The following PDE1C variants were observed in gnomAD, a reference collection of about 807,000 sequenced individuals.
The protein encoded by PDE1C is phosphodiesterase 1C.
A neutral mutation model predicts 93.1 loss-of-function variants in PDE1C; 62 were observed. That is an observed-to-expected ratio of 0.67 (90% CI 0.54 to 0.82). The LOEUF is 0.82. Among genes scored for constraint, PDE1C ranks in the 40% least tolerant of loss-of-function variants. The pLI, the probability that PDE1C is intolerant of heterozygous loss-of-function variation, is 0.00. For missense variants in PDE1C, 742 were observed against 884.6 expected, an observed-to-expected ratio of 0.84 and a Z score of 2.04; for synonymous variants, 325 against 310.1, an observed-to-expected ratio of 1.05 and a Z score of -0.50.
chr7:31,792,991 T>G (rs1161334939), intron 16 of PDE1C, among the ~76,000 whole-genome samples: 1 of 152,074 alleles, frequency 6.6e-6, no homozygotes, highest in Non-Finnish European at 1.5e-5. Flanking sequence ...GGTAAAGCTG[T>G]GAGAACTTTA....
chr7:31,652,246 A>T, the PDE1C span, among the ~76,000 whole-genome samples: 1 of 152,222 alleles, frequency 6.6e-6, no homozygotes, highest in Non-Finnish European at 1.5e-5. Context: ...ATCAGAATTC[A>T]GTTCACCTGT....
At chr7:32,375,926 C>A (rs2128088921) in intron 1 of PDE1C, among the ~76,000 whole-genome samples, 1 of 152,308 alleles carries the variant, frequency 6.6e-6, no homozygotes, top group East Asian at 1.9e-4. Context: ...GAGGCCGAGG[C>A]AGGCAGATCC....
chr7:31,691,763 T>C, the PDE1C span, among the ~76,000 whole-genome samples: 1 of 147,916 alleles, frequency 6.8e-6, no homozygotes, highest in East Asian at 2.0e-4. Context: ...AGGTAGTCTC[T>C]TTACTTTATA....
At position 32,235,494 on chromosome 7, in the gene PDE1C, A is replaced by C. The variant is rs149936884; in HGVS notation, c.86-25955T>G. ...TAAGATTAACACACACACAAAAATA[A>C]TTTTTCTATATACTAACAGTGGACA... On this transcript the variant is annotated intron_variant, in intron 1 of 18. Transcript: ENST00000396193. Among the ~76,000 whole-genome samples the C allele has an allele frequency of 3.7e-4, 57 of 152,114 alleles. 1 individual carries two copies. Among genetic ancestry groups the C allele is most frequent in the African/African-American group, 1.2e-3 (51 of 41,548 alleles).
At chr7:31,957,998 G>A (rs905743388) in intron 2 of PDE1C, among the ~76,000 whole-genome samples, 4 of 152,182 alleles carry the variant, frequency 2.6e-5, no homozygotes, top group Admixed American at 1.3e-4. Flanking sequence ...TGAGCAGTTG[G>A]TTTTCCACTC....
chr7:32,354,260 T>C (rs1256941011), intron 1 of PDE1C, among the ~76,000 whole-genome samples: 1 of 152,190 alleles, frequency 6.6e-6, no homozygotes, highest in Non-Finnish European at 1.5e-5. Flanking sequence ...AAACCTCTTT[T>C]TCCCTTCATC....
intron 2 of PDE1C, among the ~76,000 whole-genome samples, chr7:31,922,791 AT>A (rs1802792169): frequency 6.6e-6 from 1 of 152,234 alleles, no homozygotes; most frequent in Non-Finnish European, 1.5e-5. Flanking sequence ...AAAGAAAAAA[AT>A]GTCAATTTTC....
intron 2 of PDE1C, among the ~76,000 whole-genome samples, chr7:32,202,391 A>T (rs528185501): frequency 6.6e-6 from 1 of 152,342 alleles, no homozygotes; most frequent in African/African-American, 2.4e-5. Context: ...GGACACAGTG[A>T]ATATTCCTCC....
chr7:32,012,210 G>T (rs1209448492), intron 2 of PDE1C, among the ~76,000 whole-genome samples: 1 of 152,198 alleles, frequency 6.6e-6, no homozygotes, highest in Non-Finnish European at 1.5e-5. Flanking sequence ...ACCAACACTG[G>T]CTTGGCCTCT....
intron 2 of PDE1C, among the ~76,000 whole-genome samples, chr7:32,020,834 A>C (rs528548175): frequency 6.6e-6 from 1 of 152,242 alleles, no homozygotes; most frequent in East Asian, 1.9e-4. Context: ...TTTCATTGTG[A>C]TTGCCAGGAA....
In PDE1C at chr7:32,172,170, G is replaced by A. The variant is rs200020874; in HGVS notation, c.137-2214C>T. Reference sequence around the variant, plus strand: ...TTACCATTACCATTAACCAATTGCCGTTGGCTTGTTCTGGTTATGTCTACC... The same window carrying A: ...TTACCATTACCATTAACCAATTGCCATTGGCTTGTTCTGGTTATGTCTACC... On this transcript the variant is annotated intron_variant, in intron 2 of 18. Coordinates refer to the PDE1C transcript ENST00000396193. Among the ~76,000 whole-genome samples the A allele has an allele frequency of 4.7e-4, 72 of 151,840 alleles. No individual in the cohort carries two copies. The East Asian group carries it at 8.7e-3, about 18-fold the overall frequency.
At position 32,066,284 on chromosome 7, in the gene PDE1C, G is replaced by A. The variant is rs1795395333; in HGVS notation, c.101+4009C>T. On this transcript the variant is annotated intron_variant, in intron 1 of 17. Coordinates refer to ENST00000396191, the MANE Select transcript of PDE1C (RefSeq NM_001191057.4). Reference sequence around the variant, plus strand: ...TCTGTTAGCATAGTAAGGTGGATGGGAAGCTTGCTGCATAGACAAAAACAA... The same window carrying A: ...TCTGTTAGCATAGTAAGGTGGATGGAAAGCTTGCTGCATAGACAAAAACAA... 2.0e-5 allele frequency among the ~76,000 whole-genome samples: 3 copies of A among 152,260 alleles called. No homozygotes were observed. The East Asian group carries it at 5.8e-4, about 29-fold the overall frequency.
At chr7:31,828,875 C>G (rs1472311446) in intron 11 of PDE1C, among the ~76,000 whole-genome samples, 1 of 152,118 alleles carries the variant, frequency 6.6e-6, no homozygotes, top group Non-Finnish European at 1.5e-5. Flanking sequence ...TTTTTAACCT[C>G]AGAGACCAGT....
At chr7:31,641,326 A>G in the PDE1C span, among the ~76,000 whole-genome samples, 5 of 152,056 alleles carry the variant, frequency 3.3e-5, no homozygotes, top group African/African-American at 4.8e-5. Flanking sequence ...TTCACTTCCC[A>G]CACACATACC....
At chr7:32,412,599 C>T (rs11978690) in intron 1 of PDE1C, among the ~76,000 whole-genome samples, 4,526 of 152,266 alleles carry the variant, frequency 0.03, 229 homozygotes, top group African/African-American at 0.1. Context: ...ACTAGCATCA[C>T]CACAAACACG....
chr7:32,164,419 C>T (rs1006317359), intron 3 of PDE1C, among the ~76,000 whole-genome samples: 1 of 152,132 alleles, frequency 6.6e-6, no homozygotes, highest in African/African-American at 2.4e-5. Flanking sequence ...CCAATCACAC[C>T]ATATCTTTTT....
intron 2 of PDE1C, among the ~76,000 whole-genome samples, chr7:31,918,055 G>T (rs540598330): frequency 6.6e-6 from 1 of 152,238 alleles, no homozygotes; most frequent in South Asian, 2.1e-4. Context: ...AGAGGTCGGG[G>T]TGATTAGGTC....
rs1799294297 is a variant in PDE1C, at chr7:31,896,049, C to CAGCAGGG, written c.129-15190_129-15189insCCCTGCT. Reference sequence around the variant, plus strand: ...CACACAAACACACACACAAACTGCCCCATCACCCAGCAGGGTGAGCTCATG... The same window carrying CAGCAGGG: ...CACACAAACACACACACAAACTGCCCAGCAGGGCATCACCCAGCAGGGTGAGCTCATG... On this transcript the variant is annotated intron_variant, in intron 2 of 17. Transcript: ENST00000396191. Among the ~76,000 whole-genome samples, 23 of 128,812 alleles carry CAGCAGGG rather than the reference C, an allele frequency of 1.8e-4. No individual in the cohort carries two copies. In the Admixed American group the frequency reaches 1.8e-3, roughly 10 times the overall value. 84.5% of individuals were successfully genotyped at this position (128,812 alleles called of 152,430 possible). A position where few individuals can be genotyped will look rare whatever the true frequency, so the allele number is the denominator to read the frequency against.
the PDE1C span, among the ~76,000 whole-genome samples, chr7:31,644,858 G>A: frequency 1.3e-5 from 2 of 152,184 alleles, no homozygotes; most frequent in Admixed American, 6.6e-5. Flanking sequence ...TTCAGAGCGG[G>A]GTGAAGTGGA....
Sources: allele counts gnomAD v4.1 joint callset (sites outside exome capture counted in the v4.1 genomes callset), GRCh38; gene constraint gnomAD v4.1.1; transcripts MANE v1.5; gene names NCBI Gene and HGNC (gene_info 2026-07-23, HGNC 2026-07-21).